Variants in NPLOC4 observed in about 807,000 individuals in gnomAD.
NPLOC4 encodes NPL4 homolog, ubiquitin recognition factor, also known as nuclear protein localization protein 4 homolog.
A neutral mutation model predicts 80.6 loss-of-function variants in NPLOC4; 18 were observed. The observed-to-expected ratio is 0.22, with a 90% CI of 0.15 to 0.33. The LOEUF is 0.33. Among genes scored for constraint, NPLOC4 ranks in the 10% least tolerant of loss-of-function variants. The pLI, the probability that NPLOC4 is intolerant of heterozygous loss-of-function variation, is 1.00. For synonymous variants in NPLOC4, 313 were observed against 301.5 expected (o/e 1.04, Z -0.39); for missense variants, 540 against 786.1 (o/e 0.69, Z 3.74).
chr17:81,567,283 G>A lies in NPLOC4; in HGVS notation c.1566+134C>T. 1 of 635,646 alleles carries A rather than the reference G, an allele frequency of 1.6e-6. No individual in the cohort carries two copies. The highest frequency in any genetic ancestry group is 2.9e-6 in the Non-Finnish European group (1 of 350,028). The allele number at this position is 635,646 out of a possible 1,614,324, so 39.4% of individuals were successfully genotyped here. On this transcript the variant is annotated intron_variant, in intron 15 of 16. Transcript: ENST00000331134. This position sits in a 1 kb window ranked among gnomAD's most constrained non-coding sequence, Gnocchi z 4.5. ...CTCTGCCCATAGGACAAATGAGGGG[G>A]ACAACCTGTGACCCCGAGCTTTGAC...
chr17:81,594,425 A>G (rs955109495), intron 11 of NPLOC4, among the ~76,000 whole-genome samples: 5 of 152,056 alleles, frequency 3.3e-5, no homozygotes, highest in Non-Finnish European at 5.9e-5. Flanking sequence ...ATCTAAATGC[A>G]CCTTAAATCA....
chr17:81,629,095 G>A (rs1026626829), intron 2 of NPLOC4, among the ~76,000 whole-genome samples: 27 of 151,538 alleles, frequency 1.8e-4, no homozygotes, highest in Non-Finnish European at 2.8e-4. Flanking sequence ...AGCCAGGATG[G>A]TCTCAATCTC....
At chr17:81,590,443 C>A (rs1469990070) in intron 11 of NPLOC4, among the ~76,000 whole-genome samples, 2 of 152,160 alleles carry the variant, frequency 1.3e-5, no homozygotes, top group African/African-American at 2.4e-5. Context: ...GGGGGAGATG[C>A]CCACCGCTGC....
At chr17:81,593,370 C>G (rs1387585602) in intron 11 of NPLOC4, among the ~76,000 whole-genome samples, 1 of 152,060 alleles carries the variant, frequency 6.6e-6, no homozygotes, top group African/African-American at 2.4e-5. Context: ...CCACACAGGC[C>G]AGTACGGATC....
In NPLOC4 at chr17:81,556,968, TGAGCCGAAACA is replaced by T. The variant is rs1364174548; in HGVS notation, c.*2280_*2290del. On this transcript the variant is annotated 3_prime_UTR_variant, in exon 17 of 17. Coordinates refer to ENST00000331134, the MANE Select transcript of NPLOC4 (RefSeq NM_017921.4). ...ATCCAAGCCCAGTGATGCACACCTG[TGAGCCGAAACA>T]GAGCCGAAGCAGGAGCACCTGTGTC... 6.6e-6 allele frequency: 1 copy of T among 152,502 alleles called. No homozygotes were observed. The highest frequency in any genetic ancestry group is 1.9e-4 in the East Asian group (1 of 5,214). The allele number at this position is 152,502 out of a possible 1,614,324, so 9.4% of individuals were successfully genotyped here. A position where few individuals can be genotyped will look rare whatever the true frequency, so the allele number is the denominator to read the frequency against.
At chr17:81,594,147 C>A (rs1463604737) in intron 11 of NPLOC4, among the ~76,000 whole-genome samples, 1 of 151,628 alleles carries the variant, frequency 6.6e-6, no homozygotes, top group Non-Finnish European at 1.5e-5. Flanking sequence ...TGGTAGCGGG[C>A]ACCTGTAGTC....
chr17:81,634,946 T>C (rs909535256), intron 1 of NPLOC4, among the ~76,000 whole-genome samples: 4 of 152,258 alleles, frequency 2.6e-5, no homozygotes, highest in East Asian at 3.9e-4. Flanking sequence ...ACTGTAATCC[T>C]AGCAATTTTG....
intron 3 of NPLOC4, among the ~76,000 whole-genome samples, chr17:81,616,345 C>CAAA (rs1598672426): frequency 7.3e-6 from 1 of 137,654 alleles, no homozygotes; most frequent in Non-Finnish European, 1.5e-5. Context: ...AAAAGAAAAG[C>CAAA]AAAGCTGCTA....
chr17:81,586,243 G>A (rs1010133811), intron 12 of NPLOC4, among the ~76,000 whole-genome samples: 7 of 152,120 alleles, frequency 4.6e-5, no homozygotes, highest in African/African-American at 1.7e-4. Flanking sequence ...TGAGGGTCTG[G>A]CAGAGACTCT....
At chr17:81,603,684 T>G (rs2035125909) in intron 8 of NPLOC4, among the ~76,000 whole-genome samples, 2 of 152,208 alleles carry the variant, frequency 1.3e-5, no homozygotes, top group East Asian at 1.9e-4. Flanking sequence ...CACCACTAGA[T>G]TCACCATGAA....
chr17:81,571,491 C>T (rs1668466656), intron 13 of NPLOC4, among the ~76,000 whole-genome samples: 1 of 152,224 alleles, frequency 6.6e-6, no homozygotes, highest in Non-Finnish European at 1.5e-5. Flanking sequence ...AGCCCTCACT[C>T]AAGAACACTG....
At chr17:81,565,694 C>A (rs1021400081) in intron 15 of NPLOC4, 87 bp from the exon 16 acceptor site, 2 of 972,430 alleles carry the variant, frequency 2.1e-6, no homozygotes, top group African/African-American at 3.3e-5. Flanking sequence ...TCCCCAACAT[C>A]AAGACGTATT....
chr17:81,578,534 C>T (rs2034359864), intron 12 of NPLOC4, among the ~76,000 whole-genome samples: 1 of 152,192 alleles, frequency 6.6e-6, no homozygotes, highest in African/African-American at 2.4e-5. Flanking sequence ...GTTTAATTGA[C>T]TCACAGTTCA....
intron 6 of NPLOC4, among the ~76,000 whole-genome samples, chr17:81,607,230 A>C (rs1356299622): frequency 6.6e-6 from 1 of 152,202 alleles, no homozygotes; most frequent in Non-Finnish European, 1.5e-5. Flanking sequence ...TATTTGTAAA[A>C]AATTCTTATT....
At chr17:81,593,296 A>C (rs1246539915) in intron 11 of NPLOC4, among the ~76,000 whole-genome samples, 1 of 152,094 alleles carries the variant, frequency 6.6e-6, no homozygotes, top group African/African-American at 2.4e-5. Context: ...CCTCTCAGGA[A>C]GCCATGTTGC....
In NPLOC4 at chr17:81,568,918, A is replaced by T. The variant is rs948810850; in HGVS notation, c.1449+98T>A. On this transcript the variant is annotated intron_variant, in intron 14 of 16. Transcript: ENST00000331134. Reference sequence around the variant, plus strand: ...TGGCCTGTCACAAGAATGAATCGGGAGCATTTGAAAGCTTGATGTTTTCTG... The same window carrying T: ...TGGCCTGTCACAAGAATGAATCGGGTGCATTTGAAAGCTTGATGTTTTCTG... The T allele has an allele frequency of 3.7e-6, 3 of 812,550 alleles. No individual in the cohort carries two copies. The African/African-American group carries it at 5.1e-5, about 14-fold the overall frequency. 50.3% of individuals were successfully genotyped at this position (812,550 alleles called of 1,614,324 possible).
intron 16 of NPLOC4, 98 bp downstream of exon 16, chr17:81,565,407 C>T (rs558138881): frequency 1.5e-5 from 16 of 1,051,660 alleles, no homozygotes; most frequent in Middle Eastern, 2.4e-4. Context: ...CAGCTGGGTG[C>T]GGAATCCAGG....
At chr17:81,630,222 T>A (rs1213049268) in intron 1 of NPLOC4, among the ~76,000 whole-genome samples, 1 of 151,742 alleles carries the variant, frequency 6.6e-6, no homozygotes, top group Non-Finnish European at 1.5e-5. Flanking sequence ...AGGATCTATA[T>A]ACAAACATTA....
At chr17:81,615,107 T>C (rs975442134) in intron 3 of NPLOC4, among the ~76,000 whole-genome samples, 8 of 149,962 alleles carry the variant, frequency 5.3e-5, no homozygotes, top group Non-Finnish European at 8.9e-5. Context: ...TTTCTTTTTT[T>C]TTTTTTTTTT....
Sources: allele counts gnomAD v4.1 joint callset (sites outside exome capture counted in the v4.1 genomes callset), GRCh38; gene constraint gnomAD v4.1.1; non-coding constraint Gnocchi (gnomAD v3.1); transcripts MANE v1.5; gene names NCBI Gene and HGNC (gene_info 2026-07-23, HGNC 2026-07-21).